The following ANO2 variants were observed in gnomAD, a reference collection of about 807,000 sequenced individuals.
The protein encoded by ANO2 is anoctamin 2, also known as anoctamin-2.
A neutral mutation model predicts 124.2 loss-of-function variants in ANO2; 101 were observed. The ratio of observed to expected loss-of-function variants is 0.81; its 90% CI spans 0.69 to 0.96. ANO2 has a LOEUF of 0.96. Ranked by LOEUF, ANO2 falls within the 40% of genes least tolerant of loss-of-function variation. The pLI is 0.00. For synonymous variants in ANO2, 486 were observed against 482.5 expected, an observed-to-expected ratio of 1.01 and a Z score of -0.09; for missense variants, 1,293 against 1,274.5, an observed-to-expected ratio of 1.01 and a Z score of -0.22.
chr12:5,740,879 A>G (rs1193458822), intron 12 of ANO2: 1 of 152,404 alleles, frequency 6.6e-6, no homozygotes, highest in East Asian at 1.9e-4. Flanking sequence ...CAGCTGGGTC[A>G]TCCCCTCACC....
chr12:5,788,790 C>T (rs1413216922), intron 10 of ANO2, among the ~76,000 whole-genome samples: 2 of 152,186 alleles, frequency 1.3e-5, no homozygotes, highest in African/African-American at 4.8e-5. Flanking sequence ...AACTCCTGAC[C>T]TCAGGTGATC....
chr12:5,808,044 T>C lies in ANO2; in HGVS notation c.893-676A>G, dbSNP rs534592653. On this transcript the variant is annotated intron_variant, in intron 7 of 24. Coordinates refer to ENST00000682330, the MANE Select transcript of ANO2 (RefSeq NM_001364791.2). ...ACATCATCCCCTATGGCTAATGGCA[T>C]GTGTGTTTGTGTATTCTTGCACTTT... Among the ~76,000 whole-genome samples, 114 of 152,376 alleles carry C rather than the reference T, an allele frequency of 7.5e-4. 1 individual carries two copies. The highest frequency in any genetic ancestry group is 2.6e-3 in the African/African-American group (107 of 41,586).
chr12:5,937,460 ACTT>A (rs63503962), intron 1 of ANO2, among the ~76,000 whole-genome samples: 56,938 of 151,738 alleles, frequency 0.38, 12,009 homozygotes, highest in East Asian at 0.79. Flanking sequence ...GTGAATATTA[ACTT>A]CTTATCTGAT....
At chr12:5,722,426 G>T (rs575014086) in intron 14 of ANO2, among the ~76,000 whole-genome samples, 5 of 152,280 alleles carry the variant, frequency 3.3e-5, no homozygotes, top group African/African-American at 1.2e-4. Context: ...AGAATGGCGT[G>T]AACCTGGGAG....
intron 3 of ANO2, among the ~76,000 whole-genome samples, chr12:5,878,842 T>C (rs1469431806): frequency 6.6e-6 from 1 of 152,182 alleles, no homozygotes; most frequent in Non-Finnish European, 1.5e-5. Flanking sequence ...CACTGTCCAG[T>C]AGTACCTTCA....
At chr12:5,568,276 G>C (rs1387725993) in intron 23 of ANO2, among the ~76,000 whole-genome samples, 1 of 151,698 alleles carries the variant, frequency 6.6e-6, no homozygotes, top group African/African-American at 2.4e-5. Flanking sequence ...CCCTCAGCTG[G>C]GACTACAGGC....
rs767903592 is a variant in ANO2, at chr12:5,832,571, T to C, written c.666A>G (p.Ala222=). ...MYEIKAGGSI[A]KKFSAALQKL... Reference sequence around the variant, plus strand: ...TCTGCAGAGCCGCGCTGAACTTCTTTGCAATGCTGCCTCCTGCTTTGATCT... The same window carrying C: ...TCTGCAGAGCCGCGCTGAACTTCTTCGCAATGCTGCCTCCTGCTTTGATCT... The change falls in exon 5 of 25, where the codon GCA becomes GCG. Residue 222 remains alanine, a synonymous_variant. Transcript: ENST00000682330. 30 of 1,613,752 alleles carry C rather than the reference T, an allele frequency of 1.9e-5. No homozygotes were observed. The highest frequency in any genetic ancestry group is 2.5e-5 in the Non-Finnish European group (29 of 1,179,854).
At chr12:5,617,607 C>T (rs1376684581) in intron 16 of ANO2, among the ~76,000 whole-genome samples, 2 of 151,786 alleles carry the variant, frequency 1.3e-5, no homozygotes, top group Non-Finnish European at 2.9e-5. Flanking sequence ...CACGATGTAC[C>T]ACACTCTCCA....
At chr12:5,780,998 T>C (rs934156231) in intron 10 of ANO2, among the ~76,000 whole-genome samples, 1 of 152,216 alleles carries the variant, frequency 6.6e-6, no homozygotes, top group African/African-American at 2.4e-5. Context: ...AAAATTTTCT[T>C]TCAACTATTT....
intron 14 of ANO2, among the ~76,000 whole-genome samples, chr12:5,714,883 A>C (rs1408314989): frequency 2.6e-5 from 4 of 152,214 alleles, no homozygotes; most frequent in Non-Finnish European, 5.9e-5. Context: ...GCCCTATCAG[A>C]TTTGTTTGGG....
chr12:5,627,112 G>A (rs1945453133), intron 16 of ANO2, among the ~76,000 whole-genome samples: 1 of 152,128 alleles, frequency 6.6e-6, no homozygotes, highest in African/African-American at 2.4e-5. Flanking sequence ...AACTGGTAGG[G>A]GTGCTCCACA....
intron 14 of ANO2, among the ~76,000 whole-genome samples, chr12:5,702,970 A>ATGTG (rs1949466262): frequency 6.6e-6 from 1 of 152,216 alleles, no homozygotes; most frequent in Non-Finnish European, 1.5e-5. Flanking sequence ...TCCTGTAAAT[A>ATGTG]TGTGTGTACT....
At chr12:5,872,379 C>T (rs1937760036) in intron 3 of ANO2, among the ~76,000 whole-genome samples, 1 of 152,158 alleles carries the variant, frequency 6.6e-6, no homozygotes, top group African/African-American at 2.4e-5. Flanking sequence ...TACCACATGG[C>T]TGTTTTTCAA....
chr12:5,614,105 G>A (rs995638818), intron 17 of ANO2, among the ~76,000 whole-genome samples: 9 of 152,188 alleles, frequency 5.9e-5, no homozygotes, highest in Admixed American at 6.5e-5. Flanking sequence ...GATGTTGTTG[G>A]TTGACGCCTA....
chr12:5,892,603 A>T (rs776551656), intron 3 of ANO2, among the ~76,000 whole-genome samples: 9 of 152,238 alleles, frequency 5.9e-5, no homozygotes, highest in Non-Finnish European at 1.0e-4. Flanking sequence ...ATGAGGAGCC[A>T]TGAAGGTCAG....
intron 23 of ANO2, among the ~76,000 whole-genome samples, chr12:5,571,209 T>G (rs1942094021): frequency 6.6e-6 from 1 of 152,338 alleles, no homozygotes; most frequent in African/African-American, 2.4e-5. Flanking sequence ...CTATGCTCCC[T>G]TCCAGCTGAG....
intron 14 of ANO2, among the ~76,000 whole-genome samples, chr12:5,656,535 G>A (rs75223154): frequency 2.6e-5 from 4 of 152,034 alleles, no homozygotes; most frequent in Non-Finnish European, 4.4e-5. Context: ...CTGTCCATTC[G>A]TACTTCTGAT....
chr12:5,661,748 C>T (rs1271617976), intron 14 of ANO2, among the ~76,000 whole-genome samples: 1 of 152,180 alleles, frequency 6.6e-6, no homozygotes. Flanking sequence ...GATCTGCCAA[C>T]TCAGAACCTG....
At chr12:5,797,528 C>T (rs1476362964) in intron 10 of ANO2, among the ~76,000 whole-genome samples, 1 of 152,198 alleles carries the variant, frequency 6.6e-6, no homozygotes, top group Non-Finnish European at 1.5e-5. Flanking sequence ...GCCCACATTT[C>T]TCTCTACAAG....
Sources: allele counts gnomAD v4.1 joint callset (sites outside exome capture counted in the v4.1 genomes callset), GRCh38; gene constraint gnomAD v4.1.1; transcripts MANE v1.5; gene names NCBI Gene and HGNC (gene_info 2026-07-23, HGNC 2026-07-21).